Variants in GLB1 observed in about 807,000 individuals in gnomAD.
GLB1 encodes galactosidase beta 1, also known as beta-galactosidase.
GLB1 carries 56 observed loss-of-function variants against 74.0 expected under a neutral mutation model. The ratio of observed to expected loss-of-function variants is 0.76; its 90% CI spans 0.61 to 0.94. GLB1 has a LOEUF of 0.94. Among genes scored for constraint, GLB1 ranks in the 40% least tolerant of loss-of-function variants. The pLI, the probability that GLB1 is intolerant of heterozygous loss-of-function variation, is 0.00. For synonymous variants in GLB1, 323 were observed against 323.6 expected, an observed-to-expected ratio of 1.00 and a Z score of 0.02; for missense variants, 787 against 845.5, an observed-to-expected ratio of 0.93 and a Z score of 0.86.
rs150637019 is a variant in GLB1, at chr3:33,092,915, T to C, written c.75+4096A>G. Reference sequence around the variant, plus strand: ...TGGGTATCCCGTAGTAGGCTGTGCCTGGGCTGACATACACGAATGTAGCCT... The same window carrying C: ...TGGGTATCCCGTAGTAGGCTGTGCCCGGGCTGACATACACGAATGTAGCCT... On this transcript the variant is annotated intron_variant, in intron 1 of 15. Coordinates refer to ENST00000307363, the MANE Select transcript of GLB1 (RefSeq NM_000404.4). 4 of 1,614,088 alleles carry C rather than the reference T, an allele frequency of 2.5e-6. No individual in the cohort carries two copies. The African/African-American group carries it at 4.0e-5, about 16-fold the overall frequency.
the GLB1 span, among the ~76,000 whole-genome samples, chr3:32,970,442 G>C: frequency 6.6e-6 from 1 of 152,092 alleles, no homozygotes; most frequent in East Asian, 1.9e-4. Flanking sequence ...ACTTTAAAAA[G>C]GCAAATGCAG....
Position 32,997,158 on chromosome 3 carries a change from T to C in GLB1, c.1921A>G (p.Arg641Gly). ...GTCACAGATGAGCCAATAACTGGCCTGTCCACGAACGTCACAGCACATAGT... is the reference window on the plus strand; with the variant it reads ...GTCACAGATGAGCCAATAACTGGCCCGTCCACGAACGTCACAGCACATAGT... ...PELCAVTFVD[R>G]PVIGSSVTYD... The change falls in exon 16 of 16, where the codon AGG becomes GGG. Residue 641 changes from arginine (R) to glycine (G), a missense_variant. Transcript: ENST00000307363. 6.2e-7 allele frequency: 1 copy of C among 1,614,156 alleles called. No individual in the cohort carries two copies. Among genetic ancestry groups the C allele is most frequent in the Admixed American group, 1.7e-5 (1 of 60,022 alleles).
Position 33,039,587 on chromosome 3 carries a change from G to A in GLB1, c.1068+6533C>T, listed in dbSNP as rs191754429. On this transcript the variant is annotated intron_variant, in intron 10 of 15. Coordinates refer to ENST00000307363, the MANE Select transcript of GLB1 (RefSeq NM_000404.4). ...AATCTAAACTAAAATATGTTCGGGG[G>A]AAAGGATAGAAACAATGGAAGCGCT... 3.9e-5 allele frequency among the ~76,000 whole-genome samples: 6 copies of A among 152,256 alleles called. No homozygotes were observed. In the East Asian group the frequency reaches 1.2e-3, roughly 29 times the overall value.
At chr3:32,978,765 C>T in the GLB1 span, among the ~76,000 whole-genome samples, 6,076 of 125,974 alleles carry the variant, frequency 0.048, 556 homozygotes, top group East Asian at 0.41. Context: ...TTCTTTCTTT[C>T]TTTTTTTTTT....
rs1575465236 is a variant in GLB1, at chr3:33,063,262, A to G, written c.552+2201T>C. Among the ~76,000 whole-genome samples, 4 of 152,338 alleles carry G rather than the reference A, an allele frequency of 2.6e-5. No individual in the cohort carries two copies. The South Asian group carries it at 8.3e-4, about 32-fold the overall frequency. ...CTGTAAGAAAGCAGAAAAAAAAGGCATAAAAAATATTCAAGGAAACTCCCA... is the reference window on the plus strand; with the variant it reads ...CTGTAAGAAAGCAGAAAAAAAAGGCGTAAAAAATATTCAAGGAAACTCCCA... On this transcript the variant is annotated intron_variant, in intron 5 of 15. Coordinates refer to ENST00000307363, the MANE Select transcript of GLB1 (RefSeq NM_000404.4).
intron 10 of GLB1, among the ~76,000 whole-genome samples, chr3:33,043,844 G>A (rs201629671): frequency 0.027 from 2,820 of 104,646 alleles, no homozygotes; most frequent in Non-Finnish European, 0.031. Context: ...ACCAAAAAAA[G>A]AAAAAAAAAA....
intron 1 of GLB1, among the ~76,000 whole-genome samples, chr3:33,096,007 G>GGTT (rs1701009114): frequency 6.6e-6 from 1 of 152,190 alleles, no homozygotes; most frequent in Non-Finnish European, 1.5e-5. Flanking sequence ...GTTCAATCTT[G>GGTT]GTTGTAGATA....
At chr3:32,980,840 C>G in the GLB1 span, among the ~76,000 whole-genome samples, 1 of 151,776 alleles carries the variant, frequency 6.6e-6, no homozygotes, top group Admixed American at 6.6e-5. Context: ...CCCCTAATCC[C>G]AGCACTTTGG....
intron 11 of GLB1, 59 bp from the exon 12 acceptor site, chr3:33,021,714 A>G (rs547229127): frequency 7.0e-6 from 11 of 1,570,462 alleles, no homozygotes; most frequent in South Asian, 5.7e-5. Context: ...ATCAGGTTAC[A>G]GAGTCATTCC....
intron 1 of GLB1, chr3:33,094,060 A>G (rs778674401): frequency 6.2e-7 from 1 of 1,614,242 alleles, no homozygotes; most frequent in Admixed American, 1.7e-5. Flanking sequence ...GCAAGCTGCA[A>G]GCGAAGCAGC....
chr3:33,015,327 C>T (rs1309253198), intron 14 of GLB1, among the ~76,000 whole-genome samples: 1 of 152,096 alleles, frequency 6.6e-6, no homozygotes, highest in African/African-American at 2.4e-5. Context: ...GTTATGAGGG[C>T]CAAGTGAGAT....
At chr3:33,065,606 A>C in intron 4 of GLB1, 49 bp from the exon 5 acceptor site, 1 of 1,546,588 alleles carries the variant, frequency 6.5e-7, no homozygotes, top group South Asian at 1.2e-5. Context: ...CCCAGCCTGT[A>C]AGCCACATGC....
At chr3:32,962,201 AAAG>A in the GLB1 span, among the ~76,000 whole-genome samples, 3 of 151,414 alleles carry the variant, frequency 2.0e-5, no homozygotes, top group African/African-American at 7.3e-5. Flanking sequence ...ATTAAAAAAA[AAAG>A]AGAGTCTGAG....
intron 9 of GLB1, among the ~76,000 whole-genome samples, chr3:33,048,057 T>C (rs1030424683): frequency 2.0e-5 from 3 of 152,160 alleles, no homozygotes; most frequent in Admixed American, 2.0e-4. Flanking sequence ...TGTTTCTTAT[T>C]TGTTATGTCT....
chr3:33,011,358 G>A (rs1013681234), intron 15 of GLB1, among the ~76,000 whole-genome samples: 2 of 151,456 alleles, frequency 1.3e-5, no homozygotes, highest in Admixed American at 6.6e-5. Context: ...GAATTCAGAT[G>A]TCTATCCTAG....
At chr3:33,072,194 G>A (rs1166161831) in intron 2 of GLB1, among the ~76,000 whole-genome samples, 1 of 152,084 alleles carries the variant, frequency 6.6e-6, no homozygotes, top group Admixed American at 6.6e-5. Flanking sequence ...AGTTTCACCA[G>A]CTATAAACAG....
intron 2 of GLB1, among the ~76,000 whole-genome samples, chr3:33,070,709 G>C (rs1210795731): frequency 1.3e-5 from 2 of 152,108 alleles, no homozygotes; most frequent in Non-Finnish European, 2.9e-5. Context: ...AAATTAGCTG[G>C]TGTGGTAGCA....
At chr3:33,016,560 C>G (rs895189075) in intron 14 of GLB1, 149 bp downstream of exon 14, 1 of 1,375,812 alleles carries the variant, frequency 7.3e-7, no homozygotes, top group South Asian at 1.2e-5. Context: ...CTATTTTACC[C>G]AGGCTGGTCT....
At position 33,094,155 on chromosome 3, in the gene GLB1, G is replaced by A. The variant is rs763373392; in HGVS notation, c.75+2856C>T. On this transcript the variant is annotated intron_variant, in intron 1 of 15. Transcript: ENST00000307363. ...CACGAAGACAGTGACAGCAGCCAGG[G>A]TGGCCTTCGCGCCTAGGGACAGCTG... The A allele has an allele frequency of 6.2e-7, 1 of 1,612,634 alleles. No homozygotes were observed. Among genetic ancestry groups the A allele is most frequent in the East Asian group, 2.2e-5 (1 of 44,832 alleles).
Sources: gnomAD v4.1 joint callset for allele counts (sites outside exome capture counted in the v4.1 genomes callset) on GRCh38, gnomAD v4.1.1 for gene constraint, MANE v1.5 for transcripts, NCBI Gene and HGNC (gene_info 2026-07-23, HGNC 2026-07-21) for gene names.